The following TRIO variants were observed in gnomAD, a reference collection of about 807,000 sequenced individuals.
TRIO encodes triple functional domain protein.
In TRIO, 58 loss-of-function variants were observed where a neutral mutation model predicts 351.9. The observed-to-expected ratio is 0.16, with a 90% CI of 0.13 to 0.21. The LOEUF (loss-of-function observed/expected upper bound fraction) is 0.21, where lower values mean the gene tolerates loss of function less well. Ranked by LOEUF, TRIO falls within the 10% of genes least tolerant of loss-of-function variation. The pLI, the probability that TRIO is intolerant of heterozygous loss-of-function variation, is 1.00. For missense variants in TRIO, 3,201 were observed against 4,027.8 expected, an observed-to-expected ratio of 0.79 and a Z score of 5.56; for synonymous variants, 1,758 against 1,595.7, an observed-to-expected ratio of 1.10 and a Z score of -2.42.
intron 3 of TRIO, among the ~76,000 whole-genome samples, chr5:14,285,537 A>C (rs1011239666): frequency 5.9e-5 from 9 of 152,086 alleles, no homozygotes; most frequent in Non-Finnish European, 8.8e-5. Flanking sequence ...AGTGTGAGTT[A>C]GTTGGGAGGG....
intron 1 of TRIO, among the ~76,000 whole-genome samples, chr5:14,255,617 T>G (rs1167610442): frequency 6.6e-6 from 1 of 152,256 alleles, no homozygotes; most frequent in Non-Finnish European, 1.5e-5. Context: ...TTTGGAATAT[T>G]TGCATATACA....
rs1472323644 is a variant in TRIO, at chr5:14,229,389, GTT to G, written c.158-41435_158-41434del. Reference sequence around the variant, plus strand: ...CATTTACAAATGCTGACAGAGGAGAGTTGGCCTGCAGGCCCTCCTTTGCCACC... The same window carrying G: ...CATTTACAAATGCTGACAGAGGAGAGGGCCTGCAGGCCCTCCTTTGCCACC... On this transcript the variant is annotated intron_variant, in intron 1 of 56. Coordinates refer to ENST00000344204, the MANE Select transcript of TRIO (RefSeq NM_007118.4). Among the ~76,000 whole-genome samples the G allele has an allele frequency of 3.9e-5, 6 of 152,272 alleles. No homozygotes were observed. The South Asian group carries it at 6.2e-4, about 16-fold the overall frequency.
At chr5:14,507,648 T>A (rs926316935) in intron 56 of TRIO, among the ~76,000 whole-genome samples, 1 of 152,130 alleles carries the variant, frequency 6.6e-6, no homozygotes, top group African/African-American at 2.4e-5. Context: ...ACTTGGCACT[T>A]AGATCTCCAA....
rs1462442547 is a variant in TRIO, at chr5:14,476,918, G to C, written c.6108G>C (p.Lys2036Asn). Residue 2036 changes from lysine (K) to asparagine (N), a missense_variant, in exon 41 of 57, where the codon AAG becomes AAC. Transcript: ENST00000344204. ...HRDFFLGELE[K>N]CLEDPEKLGS... is the part of the protein sequence containing the mutation. Reference sequence around the variant, plus strand: ...GCTTTTTTTTAGGAGAGTTAGAGAAGTGCCTTGAAGATCCAGAAAAACTAG... The same window carrying C: ...GCTTTTTTTTAGGAGAGTTAGAGAACTGCCTTGAAGATCCAGAAAAACTAG... The C allele has an allele frequency of 1.9e-5, 31 of 1,613,824 alleles. No homozygotes were observed. Among genetic ancestry groups the C allele is most frequent in the Non-Finnish European group, 2.5e-5 (30 of 1,179,956 alleles).
Position 14,336,694 on chromosome 5 carries a change from C to T in TRIO, c.2013C>T (p.Asp671=), listed in dbSNP as rs1350393365. ...TTGAGCAGCGAAAGATCCTACTGGA[C>T]ATGTCAGTGTCCTTTCACACCCATG... ...RRVEQRKILL[D]MSVSFHTHVK... is the part of the protein sequence containing the mutation. Residue 671 remains aspartate (D), a synonymous_variant, in exon 11 of 57, where the codon GAC becomes GAT. Coordinates refer to ENST00000344204, the MANE Select transcript of TRIO (RefSeq NM_007118.4). The T allele has an allele frequency of 6.2e-6, 10 of 1,614,100 alleles. No individual in the cohort carries two copies. The highest frequency in any genetic ancestry group is 1.3e-5 in the African/African-American group (1 of 74,928).
At chr5:14,460,495 A>T (rs1454462430) in intron 34 of TRIO, among the ~76,000 whole-genome samples, 1 of 152,176 alleles carries the variant, frequency 6.6e-6, no homozygotes, top group Non-Finnish European at 1.5e-5. Flanking sequence ...CGTAATAATT[A>T]CACAATTCTG....
intron 53 of TRIO, among the ~76,000 whole-genome samples, chr5:14,501,336 C>G (rs1366079116): frequency 6.6e-6 from 1 of 152,170 alleles, no homozygotes; most frequent in Non-Finnish European, 1.5e-5. Flanking sequence ...CAAAACGTAG[C>G]CTTTGGTTTA....
At chr5:14,183,510 GT>G (rs1207697307) in intron 1 of TRIO, among the ~76,000 whole-genome samples, 4 of 151,928 alleles carry the variant, frequency 2.6e-5, no homozygotes, top group Non-Finnish European at 4.4e-5. Context: ...AACAAATAAA[GT>G]ATTACTTTCT....
At chr5:14,347,901 T>G (rs1742579194) in intron 11 of TRIO, among the ~76,000 whole-genome samples, 1 of 152,228 alleles carries the variant, frequency 6.6e-6, no homozygotes, top group African/African-American at 2.4e-5. Context: ...CACAGAAAGT[T>G]TCATTAATCA....
chr5:14,177,501 T>C (rs775314969), intron 1 of TRIO, among the ~76,000 whole-genome samples: 8 of 152,174 alleles, frequency 5.3e-5, no homozygotes, highest in Non-Finnish European at 8.8e-5. Flanking sequence ...AACCTGGGTG[T>C]CTTCAAGGAT....
chr5:14,502,601 G>T lies in TRIO; in HGVS notation c.8355G>T (p.Met2785Ile), dbSNP rs770313992. The T allele has an allele frequency of 1.2e-5, 19 of 1,614,102 alleles. No individual in the cohort carries two copies. In the Admixed American group the frequency reaches 3.0e-4, roughly 25 times the overall value. The change falls in exon 54 of 57, where the codon ATG (methionine) becomes ATT (isoleucine). Residue 2785 changes from methionine (M) to isoleucine (I), a missense_variant. By Grantham distance (10) the Met-to-Ile change is conservative. Around this residue, in one of 19 missense-constraint regions of TRIO, gnomAD observed 1,089 missense variants for 954.9 expected, o/e 1.14. Transcript: ENST00000344204. ...CAGGTCCAGGGATGGATGGGATCAT[G>T]GTGACCTGGAAAGACAACTTTGACT... ...RVLGPGMDGI[M>I]VTWKDNFDSF...
intron 33 of TRIO, among the ~76,000 whole-genome samples, chr5:14,412,349 A>G (rs946787641): frequency 3.3e-5 from 5 of 152,252 alleles, no homozygotes; most frequent in Admixed American, 6.5e-5. Context: ...GTGACGTTCT[A>G]CACTCCAGGA....
chr5:14,298,496 A>G (rs1737564726), intron 7 of TRIO, among the ~76,000 whole-genome samples: 1 of 152,226 alleles, frequency 6.6e-6, no homozygotes, highest in Admixed American at 6.5e-5. Flanking sequence ...GACTGGATTC[A>G]GGCATTTGCA....
At chr5:14,154,568 G>A (rs559455638) in intron 1 of TRIO, among the ~76,000 whole-genome samples, 12 of 152,204 alleles carry the variant, frequency 7.9e-5, no homozygotes, top group African/African-American at 2.7e-4. Context: ...CTGTGTGTGG[G>A]TTGCGTTCTC....
intron 48 of TRIO, among the ~76,000 whole-genome samples, chr5:14,492,085 A>G (rs1407123695): frequency 2.6e-5 from 4 of 152,230 alleles, no homozygotes; most frequent in African/African-American, 9.6e-5. Flanking sequence ...TTCCCAATGA[A>G]CATTCTATCT....
chr5:14,368,636 A>C, intron 16 of TRIO, 72 bp from the exon 17 acceptor site: 1 of 1,492,274 alleles, frequency 6.7e-7, no homozygotes, highest in African/African-American at 1.4e-5. Context: ...GAGTAACTGT[A>C]GCCATCCTGG....
chr5:14,244,490 T>G (rs1794321083), intron 1 of TRIO, among the ~76,000 whole-genome samples: 1 of 152,156 alleles, frequency 6.6e-6, no homozygotes, highest in Admixed American at 6.5e-5. Context: ...TTATGGCCAG[T>G]TTTTCCAAAT....
At chr5:14,230,718 A>G (rs772690232) in intron 1 of TRIO, among the ~76,000 whole-genome samples, 12 of 151,810 alleles carry the variant, frequency 7.9e-5, no homozygotes, top group Admixed American at 6.5e-4. Flanking sequence ...CCTTTGTATC[A>G]TTCTCTAGGG....
rs1404498762 is a variant in TRIO, at chr5:14,497,801, A to G, written c.8020-46A>G. 6.2e-7 allele frequency: 1 copy of G among 1,612,722 alleles called. No individual in the cohort carries two copies. Among genetic ancestry groups the G allele is most frequent in the Non-Finnish European group, 8.5e-7 (1 of 1,178,692 alleles). On this transcript the variant is annotated intron_variant, in intron 50 of 56. Transcript: ENST00000344204. The surrounding 1 kb of genome is among the most constrained non-coding windows in gnomAD (Gnocchi z 4.4). ...CCCTGGAATGAAAGGAATACACCTT[A>G]AAGTAGCTCATTTCAGTTAATGCTT... is the stretch of plus-strand genomic sequence containing the variant.
Sources: allele counts gnomAD v4.1 joint callset (sites outside exome capture counted in the v4.1 genomes callset), GRCh38; gene constraint gnomAD v4.1.1; regional missense constraint gnomAD v4.1.1; non-coding constraint Gnocchi (gnomAD v3.1); transcripts MANE v1.5; gene names NCBI Gene and HGNC (gene_info 2026-07-23, HGNC 2026-07-21).